KIF24: variants seen among roughly 807,000 people sequenced by gnomAD.
KIF24 encodes kinesin family member 24.
Under a neutral mutation model 118.9 loss-of-function variants are expected in KIF24, and 81 were observed. The ratio of observed to expected loss-of-function variants is 0.68; its 90% confidence interval spans 0.57 to 0.82. The LOEUF is 0.82. KIF24 is among the 40% of genes least tolerant of loss of function. The pLI, the probability that KIF24 is intolerant of heterozygous loss-of-function variation, is 0.00. For missense variants in KIF24, 1,560 were observed against 1,661.6 expected (o/e 0.94, Z 1.06); for synonymous variants, 599 against 610.0 (o/e 0.98, Z 0.27).
intron 1 of KIF24, chr9:34,319,316 T>C (rs1837437559): frequency 2.1e-6 from 2 of 933,842 alleles, no homozygotes; most frequent in Non-Finnish European, 1.8e-6. Flanking sequence ...GCCATCTCCT[T>C]GCCCAAGCGG....
chr9:34,326,641 G>A (rs1837680426), intron 1 of KIF24, among the ~76,000 whole-genome samples: 1 of 152,142 alleles, frequency 6.6e-6, no homozygotes, highest in South Asian at 2.1e-4. Context: ...GTGGAAATGA[G>A]CATGGCAAAA....
chr9:34,325,981 T>C (rs1320142001), intron 1 of KIF24, among the ~76,000 whole-genome samples: 1 of 152,240 alleles, frequency 6.6e-6, no homozygotes, highest in Admixed American at 6.5e-5. Flanking sequence ...GAGGAAACTT[T>C]ATCCAATCTT....
At chr9:34,302,071 T>C (rs966338479) in intron 3 of KIF24, among the ~76,000 whole-genome samples, 2 of 148,670 alleles carry the variant, frequency 1.3e-5, no homozygotes, top group African/African-American at 4.9e-5. Flanking sequence ...CTCGGCTCAC[T>C]GCAAGCTCTG....
At chr9:34,275,264 T>C (rs556404513) in intron 6 of KIF24, among the ~76,000 whole-genome samples, 131 of 152,052 alleles carry the variant, frequency 8.6e-4, no homozygotes, top group African/African-American at 3.0e-3. Context: ...TATGGTGATG[T>C]ACACTTGTAG....
chr9:34,324,354 A>G (rs1168370243), intron 1 of KIF24, among the ~76,000 whole-genome samples: 3 of 152,176 alleles, frequency 2.0e-5, no homozygotes, highest in African/African-American at 7.2e-5. Context: ...TCATGCAGTC[A>G]CTCAGAACTA....
rs1834841902 is a variant in KIF24, at chr9:34,256,381, C to T, written c.3226G>A (p.Ala1076Thr). ...PPSEQLVQDG[A>T]THSLVAESTG... is the part of the protein sequence containing the mutation. Reference sequence around the variant, plus strand: ...CTCTCTGCCACTAGACTGTGCGTAGCCCCATCCTGGACCAGCTGCTCCGAG... The same window carrying T: ...CTCTCTGCCACTAGACTGTGCGTAGTCCCATCCTGGACCAGCTGCTCCGAG... The change falls in exon 11 of 13, where the codon GCT becomes ACT. Residue 1076 changes from alanine (A) to threonine (T), a missense_variant. Physicochemically the swap from Ala to Thr is moderately conservative, Grantham distance 58 (BLOSUM62 0). Coordinates refer to ENST00000402558, the MANE Select transcript of KIF24 (RefSeq NM_194313.4). 6.2e-7 allele frequency: 1 copy of T among 1,613,848 alleles called. No homozygotes were observed. The highest frequency in any genetic ancestry group is 1.1e-5 in the South Asian group (1 of 91,084).
At chr9:34,306,151 G>T (rs891262710) in intron 3 of KIF24, 101 bp downstream of exon 3, 9 of 737,828 alleles carry the variant, frequency 1.2e-5, no homozygotes, top group African/African-American at 3.5e-5. Context: ...TTGATTTTCA[G>T]TGTTCTAACA....
chr9:34,254,364 G>C lies in KIF24; in HGVS notation c.*16C>G, dbSNP rs370229771. The C allele has an allele frequency of 3.7e-6, 6 of 1,605,178 alleles. No individual in the cohort carries two copies. The highest frequency in any genetic ancestry group is 3.9e-4 in the Middle Eastern group (2 of 5,156). ...ACTCCTGCAGGGCCCCCACCATCTCGGCACAGGGTCTGGCTCTAAGACGGC... is the reference window on the plus strand; with the variant it reads ...ACTCCTGCAGGGCCCCCACCATCTCCGCACAGGGTCTGGCTCTAAGACGGC... On this transcript the variant is annotated 3_prime_UTR_variant, in exon 13 of 13. Coordinates refer to ENST00000402558, the MANE Select transcript of KIF24 (RefSeq NM_194313.4).
At chr9:34,295,114 AATAG>A (rs1836412101) in intron 4 of KIF24, among the ~76,000 whole-genome samples, 2 of 114,110 alleles carry the variant, frequency 1.8e-5, no homozygotes, top group Admixed American at 8.6e-5. Context: ...CTACAATTTT[AATAG>A]ATAGGTAGGT....
chr9:34,318,345 A>AAC lies in KIF24; in HGVS notation c.-25-6975_-25-6974insGT. 1.6e-6 allele frequency: 1 copy of AAC among 612,026 alleles called. No homozygotes were observed. The highest frequency in any genetic ancestry group is 3.0e-6 in the Non-Finnish European group (1 of 335,698). The allele number at this position is 612,026 out of a possible 1,614,324, so 37.9% of individuals were successfully genotyped here. A position where few individuals can be genotyped will look rare whatever the true frequency, so the allele number is the denominator to read the frequency against. The stretch of plus-strand genomic sequence containing the variant: ...AGCCAGCCCAGCCCAACCCAGCCCA[A>AAC]CCCAGCTTGACCTAGCCCTGACAGG... On this transcript the variant is annotated intron_variant, in intron 1 of 12. Coordinates refer to ENST00000402558, the MANE Select transcript of KIF24 (RefSeq NM_194313.4). The surrounding 1 kb of genome is among the most constrained non-coding windows in gnomAD (Gnocchi z 4.9).
Position 34,310,881 on chromosome 9 carries a change from C to A in KIF24, c.466G>T (p.Ala156Ser). ...QYHTKTGILN[A>S]TAGDSYVQTE... Reference sequence around the variant, plus strand: ...TGCACATAGGAATCACCAGCTGTGGCATTCAGAATTCCTGTTTTTGTATGG... The same window carrying A: ...TGCACATAGGAATCACCAGCTGTGGAATTCAGAATTCCTGTTTTTGTATGG... The change falls in exon 2 of 13, where the codon GCC becomes TCC. Residue 156 changes from alanine to serine, a missense_variant. Coordinates refer to ENST00000402558, the MANE Select transcript of KIF24 (RefSeq NM_194313.4). 1.2e-6 allele frequency: 2 copies of A among 1,613,964 alleles called. No homozygotes were observed. Among genetic ancestry groups the A allele is most frequent in the Non-Finnish European group, 1.7e-6 (2 of 1,179,856 alleles).
intron 6 of KIF24, among the ~76,000 whole-genome samples, chr9:34,272,378 T>C (rs1300888729): frequency 6.6e-6 from 1 of 152,178 alleles, no homozygotes; most frequent in Non-Finnish European, 1.5e-5. Flanking sequence ...GCAGGCCCGA[T>C]GTAGAAATAT....
chr9:34,274,991 G>C (rs1835605272), intron 6 of KIF24, among the ~76,000 whole-genome samples: 4 of 152,174 alleles, frequency 2.6e-5, no homozygotes, highest in African/African-American at 9.7e-5. Flanking sequence ...GGTTACCACA[G>C]AGGCTGGGAA....
At chr9:34,313,971 T>G (rs887192428) in intron 1 of KIF24, among the ~76,000 whole-genome samples, 2 of 150,436 alleles carry the variant, frequency 1.3e-5, no homozygotes, top group East Asian at 3.9e-4. Context: ...CCCGGGCTAG[T>G]CTCAAACCCC....
In KIF24 at chr9:34,269,352, TA is replaced by T; in HGVS notation, c.1347del (p.Phe449LeufsTer27). 1 of 1,587,414 alleles carries T rather than the reference TA, an allele frequency of 6.3e-7. No individual in the cohort carries two copies. The highest frequency in any genetic ancestry group is 8.6e-7 in the Non-Finnish European group (1 of 1,157,494). ...GCTCTTTCACTGCCAGCCAAGTCAA[TA>T]AAAGAGATCCTAGAGAAAAGACACA... ...SAKRTFGRISFIDLAGSERAA... is the reference protein window; with the variant it reads ...SAKRTFGRISXIDLAGSERAA... On this transcript the variant is annotated frameshift_variant, in exon 8 of 13. Coordinates refer to ENST00000402558, the MANE Select transcript of KIF24 (RefSeq NM_194313.4). LOFTEE classifies it high-confidence loss of function.
intron 1 of KIF24, among the ~76,000 whole-genome samples, chr9:34,326,761 C>G (rs62556641): frequency 0.15 from 22,998 of 152,066 alleles, 2,296 homozygotes; most frequent in South Asian, 0.25. Flanking sequence ...TACTGGGCCA[C>G]ATAAAAGTGT....
At chr9:34,284,701 G>A (rs1255828131) in intron 6 of KIF24, among the ~76,000 whole-genome samples, 1 of 152,138 alleles carries the variant, frequency 6.6e-6, no homozygotes, top group Admixed American at 6.5e-5. Context: ...TAACAAGAAA[G>A]TGATCAGCAC....
At position 34,271,876 on chromosome 9, in the gene KIF24, C is replaced by A; in HGVS notation, c.1270G>T (p.Asp424Tyr). The A allele has an allele frequency of 6.2e-7, 1 of 1,609,876 alleles. No homozygotes were observed. The highest frequency in any genetic ancestry group is 2.2e-5 in the East Asian group (1 of 44,816). ...ATGACGGCATGGGAGCGGGAGGAGT[C>A]TGCATTAACTCCAGTGGCCCCAGTG... is the stretch of plus-strand genomic sequence containing the variant. ...RSTGATGVNADSSRSHAVIQI... is the reference protein window; with the variant it reads ...RSTGATGVNAYSSRSHAVIQI... The change falls in exon 7 of 13, where the codon GAC becomes TAC. Residue 424 changes from aspartate to tyrosine, a missense_variant. Asp to Tyr is a radical substitution (Grantham distance 160). Around this residue, in one of 3 missense-constraint regions of KIF24, gnomAD observed 964 missense variants for 988.0 expected, o/e 0.98. Transcript: ENST00000402558.
At chr9:34,300,250 T>C (rs1216940768) in intron 3 of KIF24, among the ~76,000 whole-genome samples, 4 of 152,214 alleles carry the variant, frequency 2.6e-5, no homozygotes, top group African/African-American at 9.6e-5. Flanking sequence ...GGTAAGATTT[T>C]AAGAACACTA....
Sources: allele counts gnomAD v4.1 joint callset (sites outside exome capture counted in the v4.1 genomes callset), GRCh38; gene constraint gnomAD v4.1.1; regional missense constraint gnomAD v4.1.1; non-coding constraint Gnocchi (gnomAD v3.1); transcripts MANE v1.5; gene names NCBI Gene and HGNC (gene_info 2026-07-23, HGNC 2026-07-21).